TERF2: variants seen among roughly 807,000 people sequenced by gnomAD.
TERF2 encodes telomeric repeat-binding factor 2.
In TERF2, 16 loss-of-function variants were observed where a neutral mutation model predicts 56.1. The ratio of observed to expected loss-of-function variants is 0.29; its 90% CI spans 0.19 to 0.43. The LOEUF (loss-of-function observed/expected upper bound fraction) is 0.43, where lower values mean the gene tolerates loss of function less well. Among genes scored for constraint, TERF2 ranks in the 20% least tolerant of loss-of-function variants. The probability of loss-of-function intolerance (pLI) is 1.00; values close to 1 mark genes in which losing one functional copy is unlikely to be tolerated. For synonymous variants in TERF2, 296 were observed against 282.1 expected (o/e 1.05, Z -0.50); for missense variants, 547 against 712.9 (o/e 0.77, Z 2.65).
chr16:69,363,864 G>A (rs1042045325), intron 7 of TERF2, among the ~76,000 whole-genome samples: 20 of 152,258 alleles, frequency 1.3e-4, no homozygotes, highest in African/African-American at 4.3e-4. Flanking sequence ...TTACTGGGAT[G>A]GGGGCGGGGA....
intron 3 of TERF2, among the ~76,000 whole-genome samples, chr16:69,376,205 T>C (rs938755289): frequency 1.3e-5 from 2 of 152,242 alleles, no homozygotes; most frequent in Non-Finnish European, 2.9e-5. Context: ...ATTTAGATTA[T>C]AATTTTGAGT....
At chr16:69,357,846 C>CTTTTT (rs71383989) in intron 8 of TERF2, among the ~76,000 whole-genome samples, 22 of 121,918 alleles carry the variant, frequency 1.8e-4, no homozygotes, top group African/African-American at 2.5e-4. Context: ...ACATCGTTTT[C>CTTTTT]TTTTTTTTTT....
intron 3 of TERF2, among the ~76,000 whole-genome samples, chr16:69,376,233 G>A (rs2013772990): frequency 6.6e-6 from 1 of 152,106 alleles, no homozygotes; most frequent in Non-Finnish European, 1.5e-5. Flanking sequence ...TGTACAAGAT[G>A]TGAGCTTATG....
Position 69,372,255 on chromosome 16 carries a change from T to G in TERF2, c.693+14A>C. On this transcript the variant is annotated intron_variant, in intron 4 of 9. Coordinates refer to ENST00000254942, the MANE Select transcript of TERF2 (RefSeq NM_005652.5). The stretch of plus-strand genomic sequence containing the variant: ...TGAATTTAAGTCACAGGAGCAAAAA[T>G]GTATCAAATTTACCTGAGTTGTGGG... The G allele has an allele frequency of 6.3e-7, 1 of 1,582,166 alleles. No homozygotes were observed. Among genetic ancestry groups the G allele is most frequent in the South Asian group, 1.2e-5 (1 of 85,558 alleles).
intron 3 of TERF2, among the ~76,000 whole-genome samples, chr16:69,384,262 A>G (rs750529022): frequency 2.6e-5 from 4 of 152,060 alleles, no homozygotes; most frequent in African/African-American, 7.2e-5. Context: ...GGGTGACCAA[A>G]CCCTAGGCCA....
chr16:69,381,712 C>A (rs2142767192), intron 3 of TERF2, among the ~76,000 whole-genome samples: 1 of 152,136 alleles, frequency 6.6e-6, no homozygotes, highest in Non-Finnish European at 1.5e-5. Context: ...AACTCCTAGG[C>A]TCAAGCGATC....
chr16:69,377,775 T>C (rs1261043563), intron 3 of TERF2, among the ~76,000 whole-genome samples: 1 of 152,244 alleles, frequency 6.6e-6, no homozygotes, highest in Non-Finnish European at 1.5e-5. Flanking sequence ...TTTCTTTTTT[T>C]ACTTTAAAAT....
At chr16:69,357,418 T>G in intron 9 of TERF2, 100 bp downstream of exon 9, 1 of 976,790 alleles carries the variant, frequency 1.0e-6, no homozygotes, top group Non-Finnish European at 1.5e-6. Flanking sequence ...AAAAAGGTTT[T>G]TACTGGGTAC....
intron 6 of TERF2, 58 bp downstream of exon 6, chr16:69,368,318 C>T (rs1024872945): frequency 6.5e-7 from 1 of 1,537,470 alleles, no homozygotes. Context: ...AAGGAGGAGA[C>T]TGCTTCCAGC....
intron 3 of TERF2, among the ~76,000 whole-genome samples, chr16:69,377,926 C>T (rs2013854125): frequency 6.6e-6 from 1 of 151,894 alleles, no homozygotes; most frequent in African/African-American, 2.4e-5. Flanking sequence ...CCTCTCCATT[C>T]TGTATGCTTT....
intron 3 of TERF2, among the ~76,000 whole-genome samples, chr16:69,381,513 C>G (rs990698367): frequency 5.3e-5 from 8 of 151,312 alleles, no homozygotes; most frequent in African/African-American, 1.9e-4. Flanking sequence ...AGGGTCTTCA[C>G]TCTGTCGTCC....
At chr16:69,360,213 C>A (rs2013080721) in intron 8 of TERF2, among the ~76,000 whole-genome samples, 1 of 151,844 alleles carries the variant, frequency 6.6e-6, no homozygotes, top group South Asian at 2.1e-4. Flanking sequence ...ATGGTGAAAA[C>A]CCGACTACTA....
At chr16:69,380,463 A>C (rs1251768473) in intron 3 of TERF2, among the ~76,000 whole-genome samples, 1 of 151,732 alleles carries the variant, frequency 6.6e-6, no homozygotes, top group Non-Finnish European at 1.5e-5. Flanking sequence ...GTGCAAGACC[A>C]GCCTGGCCAA....
intron 7 of TERF2, chr16:69,366,564 C>A: frequency 2.0e-6 from 1 of 504,622 alleles, no homozygotes; most frequent in Non-Finnish European, 3.5e-6. Flanking sequence ...GAGTAGGAGG[C>A]TCTGAAACCT....
In TERF2 at chr16:69,367,154, T is replaced by C; in HGVS notation, c.993A>G (p.Lys331=). 1 of 1,614,154 alleles carries C rather than the reference T, an allele frequency of 6.2e-7. No homozygotes were observed. Among genetic ancestry groups the C allele is most frequent in the Non-Finnish European group, 8.5e-7 (1 of 1,180,014 alleles). Residue 331 remains lysine, a synonymous_variant, in exon 7 of 10, where the codon AAA becomes AAG. Transcript: ENST00000254942. ...CACCAGACAGAGTCTTGAAAGCTGC[T>C]TTCAGAGTCATCATTCCAATGGTGG... ...PPTTIGMMTL[K]AAFKTLSGAQ...
intron 3 of TERF2, among the ~76,000 whole-genome samples, chr16:69,380,802 ATT>A (rs1159431847): frequency 1.3e-4 from 18 of 140,718 alleles, no homozygotes; most frequent in Admixed American, 2.9e-4. Context: ...ACATTCATTA[ATT>A]TTTTTTTTTT....
Position 69,367,109 on chromosome 16 carries a change from G to A in TERF2, c.1038C>T (p.Ala346=). The A allele has an allele frequency of 6.2e-7, 1 of 1,614,200 alleles. No homozygotes were observed. The highest frequency in any genetic ancestry group is 8.5e-7 in the Non-Finnish European group (1 of 1,180,034). Residue 346 remains alanine, a synonymous_variant, in exon 7 of 10, where the codon GCC becomes GCT. Transcript: ENST00000254942. The part of the protein sequence containing the change: ...TLSGAQDSEA[A]FAKLDQKDLV... ...GATCCTTCTGGTCCAGTTTTGCAAA[G>A]GCTGCCTCAGAATCCTGTGCACCAG...
At chr16:69,362,357 G>A (rs1444573348) in intron 7 of TERF2, among the ~76,000 whole-genome samples, 1 of 152,110 alleles carries the variant, frequency 6.6e-6, no homozygotes, top group Non-Finnish European at 1.5e-5. Flanking sequence ...CCTGCCTGCA[G>A]TGCTGTTTCC....
In TERF2 at chr16:69,367,191, C is replaced by T. The variant is rs367660516; in HGVS notation, c.956G>A (p.Arg319Gln). 15 of 1,600,976 alleles carry T rather than the reference C, an allele frequency of 9.4e-6. No individual in the cohort carries two copies. Among genetic ancestry groups the T allele is most frequent in the East Asian group, 2.2e-5 (1 of 44,590 alleles). Residue 319 changes from arginine to glutamine, a missense_variant, in exon 7 of 10, where the codon CGG (arginine) becomes CAG (glutamine). Physicochemically the swap from Arg to Gln is conservative, Grantham distance 43 (BLOSUM62 1). Around this residue, in one of 6 missense-constraint regions of TERF2, gnomAD observed 211 missense variants for 236.8 expected, o/e 0.89. Coordinates refer to ENST00000254942, the MANE Select transcript of TERF2 (RefSeq NM_005652.5). ...KPPREPARQLRNPPTTIGMMT... is the reference protein window; with the variant it reads ...KPPREPARQLQNPPTTIGMMT... Reference sequence around the variant, plus strand: ...CATTCCAATGGTGGTTGGAGGATTCCGTAGCTGCCTGCAAATCAAGCATAG... The same window carrying T: ...CATTCCAATGGTGGTTGGAGGATTCTGTAGCTGCCTGCAAATCAAGCATAG...
Sources: allele counts gnomAD v4.1 joint callset (sites outside exome capture counted in the v4.1 genomes callset), GRCh38; gene constraint gnomAD v4.1.1; regional missense constraint gnomAD v4.1.1; transcripts MANE v1.5; gene names NCBI Gene and HGNC (gene_info 2026-07-23, HGNC 2026-07-21).